The following NRP1 variants were observed in gnomAD, a reference collection of about 807,000 sequenced individuals.
The protein encoded by NRP1 is neuropilin 1.
Under a neutral mutation model 106.7 loss-of-function variants are expected in NRP1, and 35 were observed. The ratio of observed to expected loss-of-function variants is 0.33; its 90% confidence interval spans 0.25 to 0.43. NRP1 has a LOEUF of 0.43. Among genes scored for constraint, NRP1 ranks in the 20% least tolerant of loss-of-function variants. The probability of loss-of-function intolerance (pLI) is 1.00; values close to 1 mark genes in which losing one functional copy is unlikely to be tolerated. For missense variants in NRP1, 1,024 were observed against 1,170.4 expected (o/e 0.87, Z 1.83); for synonymous variants, 437 against 417.9 (o/e 1.05, Z -0.56).
At chr10:33,195,698 C>T (rs1836733437) in intron 12 of NRP1, 5 of 404,096 alleles carry the variant, frequency 1.2e-5, no homozygotes, top group South Asian at 9.6e-5. Context: ...TGGGCATTGA[C>T]TTAGCCAGAA....
intron 3 of NRP1, among the ~76,000 whole-genome samples, chr10:33,266,272 G>A (rs1288963782): frequency 1.3e-5 from 2 of 152,138 alleles, no homozygotes; most frequent in Non-Finnish European, 2.9e-5. Context: ...AGGTTTTCTT[G>A]TGTATTTCGA....
intron 5 of NRP1, among the ~76,000 whole-genome samples, chr10:33,254,838 A>G (rs1842092347): frequency 6.6e-6 from 1 of 152,212 alleles, no homozygotes; most frequent in South Asian, 2.1e-4. Context: ...TAGAGCATAA[A>G]ATCATAATGC....
At chr10:33,193,282 A>G (rs955603293) in intron 12 of NRP1, among the ~76,000 whole-genome samples, 1 of 152,196 alleles carries the variant, frequency 6.6e-6, no homozygotes, top group African/African-American at 2.4e-5. Flanking sequence ...GACATTTTAC[A>G]CAGCCTCTTT....
At chr10:33,264,771 G>A (rs1394166587) in intron 3 of NRP1, among the ~76,000 whole-genome samples, 4 of 152,122 alleles carry the variant, frequency 2.6e-5, no homozygotes, top group Non-Finnish European at 5.9e-5. Flanking sequence ...TTCAATTCAT[G>A]GTAACCAGCA....
chr10:33,231,465 A>G (rs905073855), intron 6 of NRP1, among the ~76,000 whole-genome samples: 2 of 152,230 alleles, frequency 1.3e-5, no homozygotes, highest in Non-Finnish European at 2.9e-5. Flanking sequence ...TTGAAAAATA[A>G]GGTCATATTA....
At chr10:33,278,830 A>G (rs1843902047) in intron 2 of NRP1, among the ~76,000 whole-genome samples, 1 of 152,212 alleles carries the variant, frequency 6.6e-6, no homozygotes. Context: ...GTAATGTCTC[A>G]GGGGTCATAA....
Position 33,324,235 on chromosome 10 carries a change from C to T in NRP1, c.248+6473G>A, listed in dbSNP as rs921138468. ...AAGGAAGAAAGCAGATAATTATCTG[C>T]CTGAGTAATAACCAAGGATGCTGCA... On this transcript the variant is annotated intron_variant, in intron 2 of 16. Transcript: ENST00000374867. Among the ~76,000 whole-genome samples, 5 of 152,078 alleles carry T rather than the reference C, an allele frequency of 3.3e-5. No individual in the cohort carries two copies. The East Asian group carries it at 9.6e-4, about 29-fold the overall frequency.
Position 33,178,026 on chromosome 10 carries a change from G to A in NRP1, c.*2050C>T, listed in dbSNP as rs1469536663. On this transcript the variant is annotated 3_prime_UTR_variant, in exon 17 of 17. Transcript: ENST00000374867. Reference sequence around the variant, plus strand: ...TCTGTTGCCTTTAAAAACAACAAACGAGTGTTTCTTAGTGCTTTCCTTCTG... The same window carrying A: ...TCTGTTGCCTTTAAAAACAACAAACAAGTGTTTCTTAGTGCTTTCCTTCTG... The A allele has an allele frequency of 6.6e-6, 1 of 152,550 alleles. No individual in the cohort carries two copies. Among genetic ancestry groups the A allele is most frequent in the Non-Finnish European group, 1.5e-5 (1 of 68,034 alleles). The allele number at this position is 152,550 out of a possible 1,614,324, so 9.4% of individuals were successfully genotyped here. A position where few individuals can be genotyped will look rare whatever the true frequency, so the allele number is the denominator to read the frequency against.
In NRP1 at chr10:33,235,554, T is replaced by C. The variant is rs553092608; in HGVS notation, c.982-9265A>G. Among the ~76,000 whole-genome samples, 5 of 152,372 alleles carry C rather than the reference T, an allele frequency of 3.3e-5. No homozygotes were observed. The South Asian group carries it at 6.2e-4, about 19-fold the overall frequency. On this transcript the variant is annotated intron_variant, in intron 6 of 16. Coordinates refer to ENST00000374867, the MANE Select transcript of NRP1 (RefSeq NM_003873.7). ...AATATGAGAAGACAGTCTTCATGCA[T>C]TGGACGCAAAACCTGAGGGCTTTTT...
rs1844159077 is a variant in NRP1 at position 33,281,867 on chromosome 10, T to C, written c.249-11011A>G. Among the ~76,000 whole-genome samples the C allele has an allele frequency of 2.0e-5, 3 of 152,194 alleles. No individual in the cohort carries two copies. In the South Asian group the frequency reaches 6.2e-4, roughly 32 times the overall value. On this transcript the variant is annotated intron_variant, in intron 2 of 16. Transcript: ENST00000374867. ...TAGAGAACCAAATGGAGAAGAGCTT[T>C]GTTTTCCACAGTGTATACTATTGGG...
At chr10:33,204,620 C>T (rs1009966200) in intron 10 of NRP1, among the ~76,000 whole-genome samples, 7 of 151,672 alleles carry the variant, frequency 4.6e-5, no homozygotes, top group Non-Finnish European at 8.8e-5. Context: ...GTAAATGGCC[C>T]GAGGTAGTCC....
At chr10:33,313,983 TTCCC>T (rs1216565460) in intron 2 of NRP1, among the ~76,000 whole-genome samples, 1 of 150,180 alleles carries the variant, frequency 6.7e-6, no homozygotes, top group Non-Finnish European at 1.5e-5. Flanking sequence ...CTTTCTCTCT[TTCCC>T]TCCCTCCCTC....
intron 6 of NRP1, among the ~76,000 whole-genome samples, chr10:33,238,321 A>C (rs1183879269): frequency 6.6e-6 from 1 of 152,240 alleles, no homozygotes; most frequent in Non-Finnish European, 1.5e-5. Context: ...CTTCTGTTGA[A>C]ATCACACTGT....
rs1344416935 is a variant in NRP1, at chr10:33,192,305, T to C, written c.2038A>G (p.Thr680Ala). ...CCTGTGTGATCCTGAATGGGTCCCG[T>C]CTTGCTGGTCAACACACTCCACTTG... The part of the protein sequence containing the change: ...QLKWSVLTSK[T>A]GPIQDHTGDG... Residue 680 changes from threonine (T) to alanine (A), a missense_variant, in exon 13 of 17, where the codon ACG (threonine) becomes GCG (alanine). Thr to Ala is a moderately conservative substitution (Grantham distance 58). Transcript: ENST00000374867. 1 of 1,613,702 alleles carries C rather than the reference T, an allele frequency of 6.2e-7. No homozygotes were observed. Among genetic ancestry groups the C allele is most frequent in the African/African-American group, 1.3e-5 (1 of 74,972 alleles).
chr10:33,200,953 G>A (rs545082401), intron 11 of NRP1: 3 of 152,276 alleles, frequency 2.0e-5, no homozygotes, highest in Admixed American at 6.5e-5. Flanking sequence ...CATCCTCAGC[G>A]GTTCTTAGTA....
At chr10:33,245,059 C>T (rs1385025882) in intron 6 of NRP1, among the ~76,000 whole-genome samples, 1 of 152,126 alleles carries the variant, frequency 6.6e-6, no homozygotes, top group African/African-American at 2.4e-5. Context: ...AGCTATTTTC[C>T]TGCATAAGGC....
At chr10:33,331,126 G>A (rs1462114837) in intron 1 of NRP1, among the ~76,000 whole-genome samples, 1 of 152,038 alleles carries the variant, frequency 6.6e-6, no homozygotes, top group Non-Finnish European at 1.5e-5. Context: ...CCCCAGCCCC[G>A]AAGTTTCTTC....
At chr10:33,331,107 G>T (rs978788303) in intron 1 of NRP1, among the ~76,000 whole-genome samples, 5 of 152,102 alleles carry the variant, frequency 3.3e-5, no homozygotes, top group African/African-American at 9.7e-5. Flanking sequence ...GATCTGAGAG[G>T]ACTCTTCCCC....
At chr10:33,264,117 A>C (rs1042786615) in intron 3 of NRP1, among the ~76,000 whole-genome samples, 1 of 152,226 alleles carries the variant, frequency 6.6e-6, no homozygotes, top group Non-Finnish European at 1.5e-5. Flanking sequence ...CTGCTGTTGC[A>C]GGGAAAAATA....
Sources: gnomAD v4.1 joint callset for allele counts (sites outside exome capture counted in the v4.1 genomes callset) on GRCh38, gnomAD v4.1.1 for gene constraint, MANE v1.5 for transcripts, NCBI Gene and HGNC (gene_info 2026-07-23, HGNC 2026-07-21) for gene names.